EXOC6B: variants seen among roughly 807,000 people sequenced by gnomAD.
EXOC6B encodes the protein SEC15 homolog B.
Under a neutral mutation model 113.5 loss-of-function variants are expected in EXOC6B, and 54 were observed. The ratio of observed to expected loss-of-function variants is 0.48; its 90% CI spans 0.38 to 0.60. EXOC6B has a LOEUF of 0.60. Among genes scored for constraint, EXOC6B ranks in the 20% least tolerant of loss-of-function variants. EXOC6B has a pLI of 0.00. For missense variants in EXOC6B, 797 were observed against 977.5 expected (o/e 0.82, Z 2.46); for synonymous variants, 357 against 339.0 (o/e 1.05, Z -0.58).
intron 8 of EXOC6B, among the ~76,000 whole-genome samples, chr2:72,537,087 C>G (rs1335470331): frequency 6.6e-6 from 1 of 152,104 alleles, no homozygotes; most frequent in African/African-American, 2.4e-5. Flanking sequence ...GTATGTTTTG[C>G]TGATTTTTAA....
intron 18 of EXOC6B, among the ~76,000 whole-genome samples, chr2:72,410,082 G>C (rs751269000): frequency 6.6e-6 from 1 of 152,130 alleles, no homozygotes. Context: ...TTTTTCTGCT[G>C]TAATCCTTTG....
At chr2:72,687,340 C>T (rs898541797) in intron 6 of EXOC6B, among the ~76,000 whole-genome samples, 25 of 152,142 alleles carry the variant, frequency 1.6e-4, no homozygotes, top group African/African-American at 6.0e-4. Context: ...GTTGGCTGCA[C>T]AGCCGTATTT....
At chr2:72,209,952 T>G (rs1573003011) in intron 20 of EXOC6B, among the ~76,000 whole-genome samples, 1 of 152,230 alleles carries the variant, frequency 6.6e-6, no homozygotes, top group East Asian at 1.9e-4. Context: ...GTTGTTGCTT[T>G]TCACATTCAA....
intron 6 of EXOC6B, among the ~76,000 whole-genome samples, chr2:72,662,519 CAA>C (rs1236718190): frequency 6.6e-6 from 1 of 152,060 alleles, no homozygotes; most frequent in Non-Finnish European, 1.5e-5. Flanking sequence ...GACACTTCAC[CAA>C]AGAGTACAAC....
At chr2:72,663,326 A>G (rs1245923359) in intron 6 of EXOC6B, among the ~76,000 whole-genome samples, 1 of 152,232 alleles carries the variant, frequency 6.6e-6, no homozygotes, top group African/African-American at 2.4e-5. Context: ...AGACAGAACT[A>G]TGGTGACAGA....
At chr2:72,428,432 G>A (rs1175988692) in intron 18 of EXOC6B, among the ~76,000 whole-genome samples, 1 of 152,160 alleles carries the variant, frequency 6.6e-6, no homozygotes, top group East Asian at 1.9e-4. Context: ...CTTGCACCTG[G>A]TCCAGTTGCA....
intron 11 of EXOC6B, among the ~76,000 whole-genome samples, chr2:72,500,790 T>C (rs1215022972): frequency 6.6e-6 from 1 of 152,216 alleles, no homozygotes; most frequent in Admixed American, 6.5e-5. Flanking sequence ...AATTCTTTAA[T>C]TATAATTTTT....
intron 20 of EXOC6B, among the ~76,000 whole-genome samples, chr2:72,266,570 T>G (rs1684098828): frequency 6.6e-6 from 1 of 151,998 alleles, no homozygotes; most frequent in Non-Finnish European, 1.5e-5. Flanking sequence ...GTTGTAGATA[T>G]GCGGTGTTAT....
chr2:72,796,544 G>A (rs918891893), intron 1 of EXOC6B, among the ~76,000 whole-genome samples: 1 of 151,844 alleles, frequency 6.6e-6, no homozygotes, highest in South Asian at 2.1e-4. Flanking sequence ...TCAAGAACAG[G>A]AACTCTATTT....
At chr2:72,667,387 T>C (rs1675469896) in intron 6 of EXOC6B, among the ~76,000 whole-genome samples, 3 of 152,116 alleles carry the variant, frequency 2.0e-5, no homozygotes, top group Non-Finnish European at 4.4e-5. Context: ...CTAAAATTCA[T>C]ATGGAACCAA....
chr2:72,796,267 A>G (rs1158548027), intron 1 of EXOC6B, among the ~76,000 whole-genome samples: 1 of 151,612 alleles, frequency 6.6e-6, no homozygotes, highest in African/African-American at 2.4e-5. Context: ...AGCCTGGCCA[A>G]TGTTGGTGAA....
At chr2:72,312,906 T>C (rs1687290300) in intron 20 of EXOC6B, among the ~76,000 whole-genome samples, 2 of 151,822 alleles carry the variant, frequency 1.3e-5, no homozygotes, top group South Asian at 4.2e-4. Flanking sequence ...ATTCCCAAGA[T>C]CACCTAGATG....
intron 8 of EXOC6B, among the ~76,000 whole-genome samples, chr2:72,534,187 T>C (rs747074465): frequency 8.8e-4 from 134 of 152,190 alleles, no homozygotes; most frequent in South Asian, 2.1e-3. Context: ...GCTATAACTA[T>C]GTAGGGTCAA....
chr2:72,757,082 C>T (rs1182238709), intron 1 of EXOC6B, among the ~76,000 whole-genome samples: 1 of 152,044 alleles, frequency 6.6e-6, no homozygotes, highest in Non-Finnish European at 1.5e-5. Flanking sequence ...ACATGTATTG[C>T]TTTTCCAACT....
At chr2:72,294,957 G>A (rs1686033285) in intron 20 of EXOC6B, among the ~76,000 whole-genome samples, 1 of 152,034 alleles carries the variant, frequency 6.6e-6, no homozygotes, top group Non-Finnish European at 1.5e-5. Context: ...CTCTGGCTGG[G>A]TGGGGTGGCT....
chr2:72,541,867 T>C (rs1702624612), intron 8 of EXOC6B, among the ~76,000 whole-genome samples: 1 of 152,184 alleles, frequency 6.6e-6, no homozygotes, highest in Admixed American at 6.5e-5. Context: ...ATTTACAGTG[T>C]TTCGTCATGT....
chr2:72,212,751 C>CA lies in EXOC6B; in HGVS notation c.2197-28565dup, dbSNP rs887276218. Among the ~76,000 whole-genome samples, 8 of 152,020 alleles carry CA rather than the reference C, an allele frequency of 5.3e-5. No individual in the cohort carries two copies. The East Asian group carries it at 1.4e-3, about 26-fold the overall frequency. On this transcript the variant is annotated intron_variant, in intron 20 of 21. Transcript: ENST00000272427. Reference sequence around the variant, plus strand: ...TTCTCTATCTCCACTATAAAGTGAACAAAAAAACTTGAATACCAATTGTAG... The same window carrying CA: ...TTCTCTATCTCCACTATAAAGTGAACAAAAAAAACTTGAATACCAATTGTAG...
intron 19 of EXOC6B, among the ~76,000 whole-genome samples, chr2:72,347,773 T>G (rs946864139): frequency 6.6e-6 from 1 of 152,164 alleles, no homozygotes; most frequent in Non-Finnish European, 1.5e-5. Context: ...AACAGCTTTT[T>G]TGGCTGGTAG....
chr2:72,502,417 G>A (rs1226076242), intron 11 of EXOC6B, among the ~76,000 whole-genome samples: 1 of 152,124 alleles, frequency 6.6e-6, no homozygotes, highest in Non-Finnish European at 1.5e-5. Context: ...GCATGGTGGC[G>A]CATGCCTATG....
Sources: gnomAD v4.1 joint callset for allele counts (sites outside exome capture counted in the v4.1 genomes callset) on GRCh38, gnomAD v4.1.1 for gene constraint, MANE v1.5 for transcripts, NCBI Gene and HGNC (gene_info 2026-07-23, HGNC 2026-07-21) for gene names.